The following LGR6 variants were observed in gnomAD, a reference collection of about 807,000 sequenced individuals.
LGR6 encodes leucine rich repeat containing G protein-coupled receptor 6.
In LGR6, 45 loss-of-function variants were observed where a neutral mutation model predicts 69.4. The observed-to-expected ratio is 0.65, with a 90% CI of 0.51 to 0.83. LGR6 has a LOEUF of 0.83. Ranked by LOEUF, LGR6 falls within the 40% of genes least tolerant of loss-of-function variation. LGR6 has a pLI of 0.00. For missense variants in LGR6, 1,108 were observed against 1,246.7 expected, an observed-to-expected ratio of 0.89 and a Z score of 1.68; for synonymous variants, 538 against 555.0, an observed-to-expected ratio of 0.97 and a Z score of 0.43.
intron 6 of LGR6, among the ~76,000 whole-genome samples, chr1:202,288,069 C>T (rs1558064539): frequency 6.6e-6 from 1 of 152,206 alleles, no homozygotes; most frequent in Non-Finnish European, 1.5e-5. Flanking sequence ...CTTGCCGCCT[C>T]TCTGGTGTCA....
chr1:202,255,198 G>T (rs992417337), intron 4 of LGR6, among the ~76,000 whole-genome samples: 1 of 152,164 alleles, frequency 6.6e-6, no homozygotes, highest in Non-Finnish European at 1.5e-5. Context: ...CAGGGTTTTC[G>T]TGGAGACAGA....
At chr1:202,316,785 A>C (rs1411779438) in intron 17 of LGR6, among the ~76,000 whole-genome samples, 1 of 152,248 alleles carries the variant, frequency 6.6e-6, no homozygotes, top group African/African-American at 2.4e-5. Flanking sequence ...CAAATTCCCA[A>C]GCTACCAAGA....
intron 4 of LGR6, among the ~76,000 whole-genome samples, chr1:202,246,120 CT>C (rs1174420438): frequency 9.3e-6 from 1 of 107,118 alleles, no homozygotes; most frequent in African/African-American, 3.8e-5. Flanking sequence ...CTCTGTCCCT[CT>C]TTCCATCCAT....
chr1:202,250,910 A>G (rs898098451), intron 4 of LGR6, among the ~76,000 whole-genome samples: 1 of 152,198 alleles, frequency 6.6e-6, no homozygotes, highest in Non-Finnish European at 1.5e-5. Context: ...TCCTGAGTCC[A>G]TGCTTTTTCT....
At chr1:202,261,075 C>A (rs1038926200) in intron 4 of LGR6, among the ~76,000 whole-genome samples, 5 of 151,706 alleles carry the variant, frequency 3.3e-5, no homozygotes, top group African/African-American at 9.7e-5. Flanking sequence ...CTAATGTTTT[C>A]TTTTTATTAT....
At chr1:202,221,936 C>T (rs929263231) in intron 1 of LGR6, among the ~76,000 whole-genome samples, 1 of 78,966 alleles carries the variant, frequency 1.3e-5, no homozygotes, top group Non-Finnish European at 3.0e-5. Flanking sequence ...AGTCATATGT[C>T]AGTAGGAACC....
chr1:202,284,122 A>G (rs1441323686), intron 6 of LGR6, among the ~76,000 whole-genome samples: 1 of 151,682 alleles, frequency 6.6e-6, no homozygotes, highest in East Asian at 1.9e-4. Context: ...AATCGTGCCA[A>G]CTCCACCCGC....
intron 1 of LGR6, among the ~76,000 whole-genome samples, chr1:202,195,775 C>G (rs1277303560): frequency 6.6e-6 from 1 of 152,160 alleles, no homozygotes; most frequent in East Asian, 1.9e-4. Flanking sequence ...AAGGAAGGTC[C>G]CTTGCCTGGG....
At chr1:202,286,263 A>G (rs925395093) in intron 6 of LGR6, among the ~76,000 whole-genome samples, 1 of 152,200 alleles carries the variant, frequency 6.6e-6, no homozygotes, top group Non-Finnish European at 1.5e-5. Flanking sequence ...CTCTGGGGAT[A>G]GGCTGATAGG....
At chr1:202,307,203 C>A in intron 13 of LGR6, 127 bp from the exon 14 acceptor site, 1 of 938,662 alleles carries the variant, frequency 1.1e-6, no homozygotes, top group Non-Finnish European at 1.7e-6. Flanking sequence ...GGTACCTTCC[C>A]CAAAAGGCAA....
chr1:202,233,434 G>A (rs1661262774), intron 3 of LGR6, among the ~76,000 whole-genome samples: 1 of 152,120 alleles, frequency 6.6e-6, no homozygotes, highest in South Asian at 2.1e-4. Context: ...TTGTATCCTT[G>A]CTCCAAGCAC....
chr1:202,306,631 T>C (rs1653214583), intron 12 of LGR6: 2 of 560,532 alleles, frequency 3.6e-6, no homozygotes, highest in African/African-American at 3.8e-5. Flanking sequence ...CACTGGAAGC[T>C]GACTCCCTTT....
intron 2 of LGR6, 38 bp downstream of exon 2, chr1:202,225,532 G>T: frequency 6.4e-7 from 1 of 1,566,580 alleles, no homozygotes; most frequent in Non-Finnish European, 8.8e-7. Flanking sequence ...GCAAGCATGG[G>T]CTCTGTCTAA....
intron 1 of LGR6, among the ~76,000 whole-genome samples, chr1:202,204,698 C>CACACACCTCCAA (rs1659029290): frequency 3.1e-4 from 1 of 3,186 alleles, no homozygotes; most frequent in African/African-American, 1.0e-3. Flanking sequence ...CACCCCCAAA[C>CACACACCTCCAA]ACACACACAC....
intron 1 of LGR6, among the ~76,000 whole-genome samples, chr1:202,198,294 A>T (rs1658713052): frequency 6.6e-6 from 1 of 152,240 alleles, no homozygotes; most frequent in Middle Eastern, 3.2e-3. Flanking sequence ...CTAACTATGT[A>T]ACCCCCAGCC....
At chr1:202,279,439 G>A (rs1037667599) in intron 5 of LGR6, among the ~76,000 whole-genome samples, 2 of 152,156 alleles carry the variant, frequency 1.3e-5, no homozygotes, top group Non-Finnish European at 2.9e-5. Flanking sequence ...TTGGAGGCCA[G>A]CCTGATTTTC....
rs1654401507 is a variant in LGR6, at chr1:202,318,897, A to T, written c.2594A>T (p.Asp865Val). Reference protein sequence around the residue: ...AAGELEKSSCDSTQALVAFSD... With the variant: ...AAGELEKSSCVSTQALVAFSD... ...GGGGAGCTGGAGAAGAGCTCCTGTG[A>T]TTCTACCCAGGCCCTGGTAGCCTTC... is the stretch of plus-strand genomic sequence containing the variant. The change falls in exon 18 of 18, where the codon GAT becomes GTT. Residue 865 changes from aspartate to valine, a missense_variant. By Grantham distance (152) the Asp-to-Val change is radical. Transcript: ENST00000367278. 2 of 1,614,092 alleles carry T rather than the reference A, an allele frequency of 1.2e-6. No individual in the cohort carries two copies. The highest frequency in any genetic ancestry group is 4.5e-5 in the East Asian group (2 of 44,868).
intron 4 of LGR6, among the ~76,000 whole-genome samples, chr1:202,267,463 C>T (rs934370847): frequency 6.6e-6 from 1 of 152,088 alleles, no homozygotes; most frequent in African/African-American, 2.4e-5. Flanking sequence ...GGTTTCTTTT[C>T]ATTAAATGGG....
At chr1:202,244,345 A>G (rs1409096563) in intron 4 of LGR6, among the ~76,000 whole-genome samples, 3 of 152,246 alleles carry the variant, frequency 2.0e-5, no homozygotes, top group East Asian at 1.9e-4. Flanking sequence ...AGGATGTGGT[A>G]TCGGTATGCT....
Sources: gnomAD v4.1 joint callset for allele counts (sites outside exome capture counted in the v4.1 genomes callset) on GRCh38, gnomAD v4.1.1 for gene constraint, MANE v1.5 for transcripts, NCBI Gene and HGNC (gene_info 2026-07-23, HGNC 2026-07-21) for gene names.